NPHP1: variants seen among roughly 807,000 people sequenced by gnomAD.
NPHP1 encodes nephrocystin 1, also known as nephrocystin-1.
Under a neutral mutation model 90.4 loss-of-function variants are expected in NPHP1, and 70 were observed. That is an observed-to-expected ratio of 0.77 (90% confidence interval 0.64 to 0.95). The LOEUF is 0.95. Among genes scored for constraint, NPHP1 ranks in the 40% least tolerant of loss-of-function variants. The pLI is 0.00. For synonymous variants in NPHP1, 256 were observed against 271.7 expected (o/e 0.94, Z 0.57); for missense variants, 764 against 795.9 (o/e 0.96, Z 0.48).
intron 8 of NPHP1, chr2:110,164,371 T>C: frequency 1.6e-6 from 1 of 641,842 alleles, no homozygotes; most frequent in Admixed American, 2.7e-5. Flanking sequence ...TTTCAGGATT[T>C]TTCGAATAGT....
intron 4 of NPHP1, among the ~76,000 whole-genome samples, chr2:110,172,512 G>A (rs1388104779): frequency 2.6e-5 from 4 of 151,970 alleles, no homozygotes; most frequent in South Asian, 2.1e-4. Flanking sequence ...CAGGTGTGGC[G>A]GCTCACACCT....
rs775502287 is a variant in NPHP1 at position 110,143,608 on chromosome 2, A to G, written c.1463T>C (p.Met488Thr). ...HGSVFYQIMTMRRQPQLLVKL... is the reference protein window; with the variant it reads ...HGSVFYQIMTTRRQPQLLVKL... ...CACTAGAAGTTGAGGCTGCCTTCTC[A>G]TTGTCATAATCTGGTAGAAAACACT... Residue 488 changes from methionine (M) to threonine (T), a missense_variant, in exon 16 of 20, where the codon ATG (methionine) becomes ACG (threonine). Met to Thr is a moderately conservative substitution (Grantham distance 81, BLOSUM62 -1). Coordinates refer to ENST00000445609, the MANE Select transcript of NPHP1 (RefSeq NM_001128178.3). 1 of 1,613,604 alleles carries G rather than the reference A, an allele frequency of 6.2e-7. No individual in the cohort carries two copies.
intron 17 of NPHP1, among the ~76,000 whole-genome samples, chr2:110,130,059 C>T (rs760968929): frequency 3.3e-5 from 5 of 152,140 alleles, no homozygotes; most frequent in African/African-American, 7.2e-5. Context: ...TGTGCCATCA[C>T]GTGGCTGAAG....
intron 19 of NPHP1, chr2:110,124,947 G>A: frequency 2.8e-6 from 1 of 361,640 alleles, no homozygotes; most frequent in Non-Finnish European, 4.9e-6. Flanking sequence ...CTTTAGATCA[G>A]GACTGGTAAA....
chr2:110,164,560 C>G (rs1250340855), intron 8 of NPHP1, 128 bp downstream of exon 8: 2 of 1,593,888 alleles, frequency 1.3e-6, no homozygotes, highest in South Asian at 2.2e-5. Flanking sequence ...ACGTCCTCTG[C>G]TCTGTACATT....
chr2:110,189,604 C>A (rs1297336389), intron 2 of NPHP1, among the ~76,000 whole-genome samples: 2 of 152,094 alleles, frequency 1.3e-5, no homozygotes, highest in Non-Finnish European at 2.9e-5. Context: ...GGGACCCAAG[C>A]GGGTTGCCAT....
intron 2 of NPHP1, among the ~76,000 whole-genome samples, chr2:110,182,328 T>C (rs1021036378): frequency 6.7e-6 from 1 of 149,836 alleles, no homozygotes; most frequent in Admixed American, 6.6e-5. Flanking sequence ...CCAACACACA[T>C]AATCATGATT....
chr2:110,160,701 GTGTT>G (rs1328666549), intron 10 of NPHP1, among the ~76,000 whole-genome samples: 2 of 152,096 alleles, frequency 1.3e-5, no homozygotes, highest in Admixed American at 1.3e-4. Flanking sequence ...TTCTTAATAG[GTGTT>G]TTAACAGAGA....
intron 12 of NPHP1, 47 bp from the exon 13 acceptor site, chr2:110,148,073 G>A: frequency 8.0e-7 from 1 of 1,251,094 alleles, no homozygotes; most frequent in Non-Finnish European, 1.2e-6. Context: ...TAAAAAATGG[G>A]AAGGGGGTTT....
chr2:110,176,062 A>G (rs1005525339), intron 4 of NPHP1, among the ~76,000 whole-genome samples: 4 of 151,754 alleles, frequency 2.6e-5, no homozygotes, highest in African/African-American at 9.7e-5. Flanking sequence ...ATTAGTTCCC[A>G]TTTCTCTGCT....
chr2:110,144,748 T>C (rs763265138), intron 14 of NPHP1, among the ~76,000 whole-genome samples, 179 bp from the exon 15 acceptor site: 19 of 152,130 alleles, frequency 1.2e-4, no homozygotes, highest in Non-Finnish European at 2.1e-4. Context: ...AAATAAACAG[T>C]CTTTCTTTCC....
intron 4 of NPHP1, 113 bp from the exon 5 acceptor site, chr2:110,170,111 A>T (rs1559081791): frequency 2.2e-6 from 3 of 1,363,838 alleles, no homozygotes; most frequent in Non-Finnish European, 3.1e-6. Context: ...CTGGCAAATA[A>T]AAGAAATAAG....
intron 2 of NPHP1, among the ~76,000 whole-genome samples, chr2:110,201,008 A>T (rs1685540561): frequency 6.6e-6 from 1 of 152,180 alleles, no homozygotes; most frequent in Non-Finnish European, 1.5e-5. Context: ...CATCACGTCT[A>T]TTTAAACTCT....
intron 1 of NPHP1, among the ~76,000 whole-genome samples, 161 bp from the exon 2 acceptor site, chr2:110,201,655 A>G (rs974701801): frequency 6.6e-6 from 1 of 152,146 alleles, no homozygotes; most frequent in Non-Finnish European, 1.5e-5. Context: ...CCTAGAAAAA[A>G]CATTAACATT....
chr2:110,195,505 G>T (rs979982735), intron 2 of NPHP1, among the ~76,000 whole-genome samples: 2 of 152,026 alleles, frequency 1.3e-5, no homozygotes, highest in Non-Finnish European at 2.9e-5. Flanking sequence ...AAATAAAAGA[G>T]GATACAAACA....
In NPHP1 at chr2:110,131,531, C is replaced by T. The variant is rs11240790; in HGVS notation, c.1642+148G>A. On this transcript the variant is annotated intron_variant, in intron 17 of 19. Transcript: ENST00000445609. ...TCAATGCTTTGGATCTGAAGATGTC[C>T]CATAAGTAATGTATTAACATCAATG... is the stretch of plus-strand genomic sequence containing the variant. 222,154 of 646,918 alleles carry T rather than the reference C, an allele frequency of 0.34. 41,250 individuals are homozygous for T. The highest frequency in any genetic ancestry group is 0.59 in the East Asian group (21,353 of 36,232). 40.1% of individuals were successfully genotyped at this position (646,918 alleles called of 1,614,324 possible). A position where few individuals can be genotyped will look rare whatever the true frequency, so the allele number is the denominator to read the frequency against.
At chr2:110,143,395 TC>T (rs1680790634) in intron 16 of NPHP1, 146 bp downstream of exon 16, 1 of 671,046 alleles carries the variant, frequency 1.5e-6, no homozygotes, top group African/African-American at 1.8e-5. Context: ...GTTACCCATT[TC>T]CCTACTGACC....
chr2:110,129,300 A>T, intron 17 of NPHP1, 41 bp from the exon 18 acceptor site: 9 of 1,445,210 alleles, frequency 6.2e-6, no homozygotes, highest in Non-Finnish European at 8.8e-6. Flanking sequence ...TGCAAACTTC[A>T]CTCAATGGAT....
At chr2:110,133,468 T>C (rs1392401495) in intron 16 of NPHP1, among the ~76,000 whole-genome samples, 1 of 152,050 alleles carries the variant, frequency 6.6e-6, no homozygotes. Flanking sequence ...GATTTCAATA[T>C]CCTACTTTCG....
Sources: gnomAD v4.1 joint callset for allele counts (sites outside exome capture counted in the v4.1 genomes callset) on GRCh38, gnomAD v4.1.1 for gene constraint, MANE v1.5 for transcripts, NCBI Gene and HGNC (gene_info 2026-07-23, HGNC 2026-07-21) for gene names.